The following DCC variants were observed in gnomAD, a reference collection of about 807,000 sequenced individuals.
DCC encodes the protein netrin receptor DCC.
A neutral mutation model predicts 172.5 loss-of-function variants in DCC; 58 were observed. The ratio of observed to expected loss-of-function variants is 0.34; its 90% CI spans 0.27 to 0.42. The LOEUF is 0.42. DCC is among the 10% of genes least tolerant of loss of function. The pLI is 1.00. For missense variants in DCC, 1,740 were observed against 1,791.0 expected, an observed-to-expected ratio of 0.97 and a Z score of 0.51; for synonymous variants, 709 against 644.5, an observed-to-expected ratio of 1.10 and a Z score of -1.52.
chr18:52,922,251 A>G (rs1384620562), intron 3 of DCC, among the ~76,000 whole-genome samples: 1 of 152,128 alleles, frequency 6.6e-6, no homozygotes, highest in East Asian at 1.9e-4. Context: ...GTGAAATTTT[A>G]TTTCTCCACG....
chr18:53,233,473 G>A (rs745440882), intron 12 of DCC, among the ~76,000 whole-genome samples: 16 of 152,150 alleles, frequency 1.1e-4, no homozygotes, highest in East Asian at 1.9e-4. Flanking sequence ...ATTTGAAGCC[G>A]ATTTTTTTAG....
rs999715990 is a variant in DCC, at chr18:53,502,282, A to G, written c.4111+2772A>G. On this transcript the variant is annotated intron_variant, in intron 27 of 28. Coordinates refer to ENST00000442544, the MANE Select transcript of DCC (RefSeq NM_005215.4). ...AGGCATGCCCCGCCATCCCTTTGGA[A>G]TTATTAAATTCTTTTTCCTTTAGTG... is the stretch of plus-strand genomic sequence containing the variant. Among the ~76,000 whole-genome samples, 4 of 152,060 alleles carry G rather than the reference A, an allele frequency of 2.6e-5. No homozygotes were observed. The East Asian group carries it at 5.8e-4, about 22-fold the overall frequency.
intron 5 of DCC, among the ~76,000 whole-genome samples, chr18:52,995,829 C>T (rs903591965): frequency 6.6e-6 from 1 of 151,888 alleles, no homozygotes; most frequent in Admixed American, 6.6e-5. Context: ...GGCCTAGTCA[C>T]CTGGACTGAA....
chr18:52,912,898 C>T (rs2039990996), intron 3 of DCC, among the ~76,000 whole-genome samples: 1 of 152,036 alleles, frequency 6.6e-6, no homozygotes, highest in African/African-American at 2.4e-5. Flanking sequence ...TTAAAAGCTG[C>T]AAGGCCATGC....
chr18:53,401,569 C>CT (rs1157482774), intron 18 of DCC, among the ~76,000 whole-genome samples: 2 of 151,762 alleles, frequency 1.3e-5, no homozygotes, highest in Non-Finnish European at 2.9e-5. Flanking sequence ...ATATGACCAA[C>CT]AGAAGTACGA....
intron 1 of DCC, among the ~76,000 whole-genome samples, chr18:52,424,022 A>G (rs1219841339): frequency 1.3e-5 from 2 of 152,076 alleles, no homozygotes; most frequent in African/African-American, 4.8e-5. Context: ...TATGGCTCAG[A>G]GGGTGGTGCA....
chr18:52,709,825 A>C (rs960771600), intron 1 of DCC, among the ~76,000 whole-genome samples: 4 of 152,252 alleles, frequency 2.6e-5, no homozygotes, highest in Non-Finnish European at 5.9e-5. Context: ...AACTGTATAA[A>C]TGGATAATGT....
chr18:52,616,959 A>C (rs1011654511), intron 1 of DCC, among the ~76,000 whole-genome samples: 1 of 152,206 alleles, frequency 6.6e-6, no homozygotes, highest in African/African-American at 2.4e-5. Flanking sequence ...GGAGACAAGA[A>C]AGGTAAATTG....
intron 1 of DCC, among the ~76,000 whole-genome samples, chr18:52,704,823 G>A (rs1158928511): frequency 1.3e-5 from 2 of 151,530 alleles, no homozygotes; most frequent in Admixed American, 6.6e-5. Context: ...TTGTATGGGT[G>A]GAGGAGACTT....
In DCC at chr18:53,339,902, G is replaced by T. The variant is rs768841153; in HGVS notation, c.2354G>T (p.Arg785Met). 1.4e-5 allele frequency: 22 copies of T among 1,612,410 alleles called. No homozygotes were observed. Among genetic ancestry groups the T allele is most frequent in the Non-Finnish European group, 1.9e-5 (22 of 1,179,098 alleles). Residue 785 changes from arginine (R) to methionine (M), a missense_variant, in exon 15 of 29, where the codon AGG becomes ATG. Coordinates refer to ENST00000442544, the MANE Select transcript of DCC (RefSeq NM_005215.4). Reference protein sequence around the residue: ...DSKQRYYSIERLESSSHYVIS... With the variant: ...DSKQRYYSIEMLESSSHYVIS... ...AAGCAGCGATATTATTCCATTGAGA[G>T]GTTAGGTGAGTATCTGTGATTTTTT...
At chr18:52,964,657 A>C (rs1327349854) in intron 5 of DCC, among the ~76,000 whole-genome samples, 1 of 152,184 alleles carries the variant, frequency 6.6e-6, no homozygotes, top group African/African-American at 2.4e-5. Context: ...AGGTCATTCC[A>C]GAAGTCCCTA....
chr18:52,761,142 G>A lies in DCC; in HGVS notation c.412+8768G>A, dbSNP rs113093979. Among the ~76,000 whole-genome samples, 99 of 152,294 alleles carry A rather than the reference G, an allele frequency of 6.5e-4. 1 individual carries two copies. Among genetic ancestry groups the A allele is most frequent in the South Asian group, 6.4e-3 (31 of 4,818 alleles). ...GCTGGGGAGGCCTCACAATCATGGC[G>A]GAAGGCAAGGAGGAGCAAGTCACAT... is the stretch of plus-strand genomic sequence containing the variant. On this transcript the variant is annotated intron_variant, in intron 2 of 28. Transcript: ENST00000442544.
chr18:52,542,620 G>C (rs1328994344), intron 1 of DCC, among the ~76,000 whole-genome samples: 1 of 152,134 alleles, frequency 6.6e-6, no homozygotes, highest in African/African-American at 2.4e-5. Context: ...CAGATCACTT[G>C]AGGTCAGGAG....
chr18:53,002,833 A>C (rs888233078), intron 5 of DCC, among the ~76,000 whole-genome samples: 1 of 152,108 alleles, frequency 6.6e-6, no homozygotes, highest in African/African-American at 2.4e-5. Context: ...TTTGCACCTG[A>C]TATATTCATA....
chr18:53,266,071 A>G (rs1320983855), intron 12 of DCC, among the ~76,000 whole-genome samples: 3 of 152,074 alleles, frequency 2.0e-5, no homozygotes, highest in African/African-American at 7.2e-5. Context: ...GGTCTTCCTC[A>G]CTTCTTCCAA....
intron 5 of DCC, among the ~76,000 whole-genome samples, chr18:53,042,744 C>G (rs2042187014): frequency 6.6e-6 from 1 of 151,920 alleles, no homozygotes; most frequent in Admixed American, 6.6e-5. Context: ...AAATGCAAAT[C>G]AAAACTAAAA....
At chr18:52,714,221 A>G (rs1262051795) in intron 1 of DCC, among the ~76,000 whole-genome samples, 1 of 152,214 alleles carries the variant, frequency 6.6e-6, no homozygotes, top group Non-Finnish European at 1.5e-5. Context: ...CATGGCAATG[A>G]TAATTGCATT....
At chr18:53,512,041 T>A (rs2046262472) in intron 27 of DCC, among the ~76,000 whole-genome samples, 2 of 152,118 alleles carry the variant, frequency 1.3e-5, no homozygotes, top group East Asian at 1.9e-4. Flanking sequence ...AGCAGTAACC[T>A]CTGCAGACTT....
chr18:53,258,465 A>C (rs1189372430), intron 12 of DCC, among the ~76,000 whole-genome samples: 11 of 151,846 alleles, frequency 7.2e-5, no homozygotes, highest in Admixed American at 4.6e-4. Context: ...TCATTTCGTT[A>C]TGTACCCAGT....
Sources: gnomAD v4.1 joint callset for allele counts (sites outside exome capture counted in the v4.1 genomes callset) on GRCh38, gnomAD v4.1.1 for gene constraint, MANE v1.5 for transcripts, NCBI Gene and HGNC (gene_info 2026-07-23, HGNC 2026-07-21) for gene names.